The following IL23R variants were observed in gnomAD, a reference collection of about 807,000 sequenced individuals.
IL23R encodes interleukin 23 receptor.
In IL23R, 34 loss-of-function variants were observed where a neutral mutation model predicts 56.9. The observed-to-expected ratio is 0.60, with a 90% CI of 0.45 to 0.80. The LOEUF (loss-of-function observed/expected upper bound fraction) is 0.80. IL23R is among the 30% of genes least tolerant of loss of function. The pLI is 0.00. For synonymous variants in IL23R, 230 were observed against 249.2 expected, an observed-to-expected ratio of 0.92 and a Z score of 0.73; for missense variants, 635 against 730.0, an observed-to-expected ratio of 0.87 and a Z score of 1.50.
intron 6 of IL23R, among the ~76,000 whole-genome samples, chr1:67,218,687 G>A (rs1650035035): frequency 6.6e-6 from 1 of 152,016 alleles, no homozygotes; most frequent in African/African-American, 2.4e-5. Context: ...ACTTTGGGAG[G>A]CCAAGGCAGA....
At chr1:67,248,547 G>A (rs189215057) in intron 9 of IL23R, among the ~76,000 whole-genome samples, 183 of 152,044 alleles carry the variant, frequency 1.2e-3, no homozygotes, top group Admixed American at 5.5e-3. Context: ...CCTTGCATTG[G>A]GTTAGAACAT....
intron 6 of IL23R, among the ~76,000 whole-genome samples, chr1:67,213,917 C>T (rs972535287): frequency 6.6e-6 from 1 of 152,244 alleles, no homozygotes. Flanking sequence ...TTGCTCCCAC[C>T]TCATTTACCT....
At chr1:67,190,665 T>C (rs1647674194) in intron 4 of IL23R, among the ~76,000 whole-genome samples, 2 of 152,210 alleles carry the variant, frequency 1.3e-5, no homozygotes, top group African/African-American at 4.8e-5. Context: ...ATTTAGCATT[T>C]GATGGTTTCC....
At chr1:67,227,958 CTTT>C (rs1558253794) in intron 7 of IL23R, among the ~76,000 whole-genome samples, 1,043 of 35,960 alleles carry the variant, frequency 0.029, 194 homozygotes, top group African/African-American at 0.092. Flanking sequence ...TTCTTTCTTT[CTTT>C]CTTTCTTTCT....
intron 7 of IL23R, among the ~76,000 whole-genome samples, chr1:67,222,829 T>C (rs1000712598): frequency 3.3e-5 from 5 of 152,136 alleles, no homozygotes; most frequent in Non-Finnish European, 4.4e-5. Flanking sequence ...ATGAGACTTT[T>C]AATCCCAGTG....
At position 67,258,609 on chromosome 1, in the gene IL23R, C is replaced by T. The variant is rs572762885; in HGVS notation, c.1371C>T (p.Pro457=). ...PTDYKKENTG[P]LETRDYPQNS... Reference sequence around the variant, plus strand: ...ACTACAAGAAGGAGAATACAGGACCCCTGGAGACAAGAGACTACCCGCAAA... The same window carrying T: ...ACTACAAGAAGGAGAATACAGGACCTCTGGAGACAAGAGACTACCCGCAAA... Residue 457 remains proline (P), a synonymous_variant, in exon 11 of 11, where the codon CCC becomes CCT. Transcript: ENST00000347310. The T allele has an allele frequency of 2.5e-6, 4 of 1,613,730 alleles. No individual in the cohort carries two copies. Among genetic ancestry groups the T allele is most frequent in the East Asian group, 4.5e-5 (2 of 44,870 alleles).
intron 6 of IL23R, among the ~76,000 whole-genome samples, chr1:67,207,443 C>G (rs1649153114): frequency 6.6e-6 from 1 of 152,116 alleles, no homozygotes; most frequent in Non-Finnish European, 1.5e-5. Flanking sequence ...GGCTGCATCC[C>G]CACCAAATCG....
At chr1:67,207,748 T>C (rs182745311) in intron 6 of IL23R, 29 of 231,602 alleles carry the variant, frequency 1.3e-4, no homozygotes. Flanking sequence ...TATGTCTTTA[T>C]CATTAGCATG....
At chr1:67,139,839 C>A (rs1646619046) in intron 1 of IL23R, among the ~76,000 whole-genome samples, 1 of 152,212 alleles carries the variant, frequency 6.6e-6, no homozygotes, top group African/African-American at 2.4e-5. Context: ...CTGCACCCAG[C>A]TTGGTGGGGC....
Position 67,236,769 on chromosome 1 carries a change from G to A in IL23R, c.1012G>A (p.Val338Ile), listed in dbSNP as rs1174013187. 1 of 1,613,466 alleles carries A rather than the reference G, an allele frequency of 6.2e-7. No individual in the cohort carries two copies. The highest frequency in any genetic ancestry group is 1.3e-5 in the African/African-American group (1 of 74,926). The change falls in exon 8 of 11, where the codon GTT becomes ATT. Residue 338 changes from valine to isoleucine, a missense_variant. Physicochemically the swap from Val to Ile is conservative, Grantham distance 29. Transcript: ENST00000347310. ...QHDTWNSGLT[V>I]ASISTGHLTS... is the part of the protein sequence containing the mutation. ...TGACACATGGAATTCTGGGCTAACA[G>A]TTGCTTCCATCTCTACAGGGCACCT...
At chr1:67,154,014 C>T (rs548912903) in intron 1 of IL23R, among the ~76,000 whole-genome samples, 6 of 152,296 alleles carry the variant, frequency 3.9e-5, no homozygotes, top group East Asian at 1.9e-4. Context: ...GTGATCTGCC[C>T]GCTTCGTTCT....
At chr1:67,192,614 C>T (rs1367041633) in intron 4 of IL23R, among the ~76,000 whole-genome samples, 3 of 152,188 alleles carry the variant, frequency 2.0e-5, no homozygotes, top group Admixed American at 1.3e-4. Context: ...CAAAACCAAA[C>T]ACCCAGTTTC....
intron 9 of IL23R, among the ~76,000 whole-genome samples, chr1:67,241,133 C>T (rs1443660270): frequency 6.6e-6 from 1 of 152,150 alleles, no homozygotes; most frequent in Admixed American, 6.5e-5. Context: ...TTAATAATTC[C>T]CCCCTTTTGG....
chr1:67,154,670 G>A (rs1005157150), intron 1 of IL23R, among the ~76,000 whole-genome samples: 1 of 151,242 alleles, frequency 6.6e-6, no homozygotes, highest in Non-Finnish European at 1.5e-5. Context: ...CCTTTATTTT[G>A]AGCCAATGTG....
chr1:67,174,356 A>C (rs1205442417), intron 3 of IL23R, among the ~76,000 whole-genome samples: 1 of 151,374 alleles, frequency 6.6e-6, no homozygotes, highest in Non-Finnish European at 1.5e-5. Flanking sequence ...GATAGGCTTG[A>C]ATGACATCTA....
rs1023776655 is a variant in IL23R at position 67,213,037 on chromosome 1, C to T, written c.798+5982C>T. 2.6e-5 allele frequency among the ~76,000 whole-genome samples: 4 copies of T among 152,012 alleles called. No individual in the cohort carries two copies. In the South Asian group the frequency reaches 8.3e-4, roughly 32 times the overall value. On this transcript the variant is annotated intron_variant, in intron 6 of 10. Coordinates refer to ENST00000347310, the MANE Select transcript of IL23R (RefSeq NM_144701.3). ...TACAGGCATCGGGCACCACGTCTGGCTTCTTTTTGTATTTTTAGTAGAGAT... is the reference window on the plus strand; with the variant it reads ...TACAGGCATCGGGCACCACGTCTGGTTTCTTTTTGTATTTTTAGTAGAGAT...
chr1:67,222,167 G>A (rs1650323542), intron 7 of IL23R, among the ~76,000 whole-genome samples: 1 of 123,430 alleles, frequency 8.1e-6, no homozygotes, highest in South Asian at 2.8e-4. Context: ...CCCAGCCTGA[G>A]GTACAGTGGT....
intron 3 of IL23R, among the ~76,000 whole-genome samples, chr1:67,171,649 T>G (rs1247039253): frequency 6.6e-6 from 1 of 152,244 alleles, no homozygotes; most frequent in Non-Finnish European, 1.5e-5. Context: ...GTGAATTTTC[T>G]GTTTTCAGGA....
intron 6 of IL23R, among the ~76,000 whole-genome samples, chr1:67,209,479 T>G (rs1018016195): frequency 6.6e-6 from 1 of 152,216 alleles, no homozygotes; most frequent in African/African-American, 2.4e-5. Context: ...CTCATGATAG[T>G]GAATAAGTCT....
Sources: gnomAD v4.1 joint callset for allele counts (sites outside exome capture counted in the v4.1 genomes callset) on GRCh38, gnomAD v4.1.1 for gene constraint, MANE v1.5 for transcripts, NCBI Gene and HGNC (gene_info 2026-07-23, HGNC 2026-07-21) for gene names.